The following TPD52 variants were observed in gnomAD, a reference collection of about 807,000 sequenced individuals.
The protein encoded by TPD52 is tumor protein D52.
A neutral mutation model predicts 31.3 loss-of-function variants in TPD52; 17 were observed. That is an observed-to-expected ratio of 0.54 (90% CI 0.37 to 0.82). The LOEUF is 0.82. Ranked by LOEUF, TPD52 falls within the 40% of genes least tolerant of loss-of-function variation. TPD52 has a pLI of 0.00. For synonymous variants in TPD52, 83 were observed against 89.6 expected, an observed-to-expected ratio of 0.93 and a Z score of 0.42; for missense variants, 212 against 240.1, an observed-to-expected ratio of 0.88 and a Z score of 0.77.
chr8:80,163,745 A>G (rs1690972209), intron 1 of TPD52, among the ~76,000 whole-genome samples: 1 of 152,194 alleles, frequency 6.6e-6, no homozygotes, highest in Non-Finnish European at 1.5e-5. Context: ...TTTATCTTAA[A>G]ACAATTTCTC....
chr8:80,035,354 G>C lies in TPD52; in HGVS notation c.*2762C>G, dbSNP rs1213138261. On this transcript the variant is annotated 3_prime_UTR_variant, in exon 8 of 8. Coordinates refer to ENST00000518937, the MANE Select transcript of TPD52 (RefSeq NM_001025253.3). ...TAGGATCTCTTTGGACACATCTTCA[G>C]CAAGCAGTCATTTAATAAATGCCTT... 6.6e-6 allele frequency: 1 copy of C among 152,176 alleles called. No homozygotes were observed. The highest frequency in any genetic ancestry group is 1.5e-5 in the Non-Finnish European group (1 of 68,044). 9.4% of individuals were successfully genotyped at this position (152,176 alleles called of 1,614,324 possible). A position where few individuals can be genotyped will look rare whatever the true frequency, so the allele number is the denominator to read the frequency against.
intron 1 of TPD52, among the ~76,000 whole-genome samples, chr8:80,084,908 G>A (rs1483681314): frequency 6.6e-6 from 1 of 151,778 alleles, no homozygotes; most frequent in African/African-American, 2.4e-5. Flanking sequence ...ACCTGAAATG[G>A]AAAAAAGCAA....
intron 1 of TPD52, chr8:80,171,206 C>A (rs760762377): frequency 2.8e-6 from 2 of 705,332 alleles, no homozygotes; most frequent in African/African-American, 1.8e-5. Flanking sequence ...CGCACACTCA[C>A]ACTCACACAT....
chr8:80,061,206 A>C (rs1812484428), intron 2 of TPD52, among the ~76,000 whole-genome samples: 1 of 151,964 alleles, frequency 6.6e-6, no homozygotes, highest in African/African-American at 2.4e-5. Context: ...CTCTACTAAA[A>C]ATACAAAATT....
rs1181011840 is a variant in TPD52 at position 80,102,288 on chromosome 8, G to A, written c.20-37695C>T. On this transcript the variant is annotated intron_variant, in intron 1 of 7. Transcript: ENST00000518937. ...CTCACTCACTTTCAAGCTCATTCAC[G>A]TAGCTACTGAGGAGCCTTTTTCTCC... 4.6e-5 allele frequency among the ~76,000 whole-genome samples: 7 copies of A among 152,234 alleles called. No individual in the cohort carries two copies. In the East Asian group the frequency reaches 5.8e-4, roughly 13 times the overall value.
At chr8:80,045,759 C>T (rs905608913) in intron 5 of TPD52, among the ~76,000 whole-genome samples, 6 of 152,184 alleles carry the variant, frequency 3.9e-5, no homozygotes, top group Admixed American at 1.3e-4. Flanking sequence ...CCTGGCCTTG[C>T]TTTCTTTTCT....
At chr8:80,132,422 G>A (rs2131090211) in intron 1 of TPD52, among the ~76,000 whole-genome samples, 1 of 152,098 alleles carries the variant, frequency 6.6e-6, no homozygotes, top group African/African-American at 2.4e-5. Flanking sequence ...TGTCCAGGCT[G>A]GTCTCAAACT....
intron 1 of TPD52, among the ~76,000 whole-genome samples, chr8:80,109,992 T>C (rs1246872265): frequency 6.6e-6 from 1 of 152,162 alleles, no homozygotes; most frequent in Non-Finnish European, 1.5e-5. Context: ...TCATGCCTGA[T>C]GTGTGGACCA....
rs944931037 is a variant in TPD52 at position 80,110,864 on chromosome 8, A to G, written c.20-46271T>C. Among the ~76,000 whole-genome samples, 4 of 152,300 alleles carry G rather than the reference A, an allele frequency of 2.6e-5. No homozygotes were observed. The East Asian group carries it at 7.7e-4, about 29-fold the overall frequency. On this transcript the variant is annotated intron_variant, in intron 1 of 7. Transcript: ENST00000518937. Reference sequence around the variant, plus strand: ...CCCTCTTGCCCCTCCTGGAGGAGTGACACTCCCTTGTGGTCTGCTGCTACC... The same window carrying G: ...CCCTCTTGCCCCTCCTGGAGGAGTGGCACTCCCTTGTGGTCTGCTGCTACC...
intron 1 of TPD52, among the ~76,000 whole-genome samples, chr8:80,090,220 T>C (rs983923131): frequency 1.3e-5 from 2 of 152,030 alleles, no homozygotes; most frequent in African/African-American, 2.4e-5. Flanking sequence ...AGCGAGGCCC[T>C]GGCTCTACAA....
intron 1 of TPD52, chr8:80,158,943 C>CAAAAAAAAAAAAAAAA (rs57625062): frequency 3.9e-5 from 3 of 76,354 alleles, no homozygotes; most frequent in African/African-American, 1.6e-4. Flanking sequence ...GACTCCGTCT[C>CAAAAAAAAAAAAAAAA]AAAAAAAAAA....
intron 1 of TPD52, among the ~76,000 whole-genome samples, chr8:80,079,479 T>C (rs1814985060): frequency 1.3e-5 from 2 of 152,360 alleles, no homozygotes; most frequent in Admixed American, 6.5e-5. Flanking sequence ...CTAAGTTTCA[T>C]GCTGTCACCT....
intron 1 of TPD52, chr8:80,080,492 G>GAT (rs1815151310): frequency 1.2e-6 from 2 of 1,608,706 alleles, no homozygotes; most frequent in Non-Finnish European, 1.7e-6. Flanking sequence ...CTAATCGCCT[G>GAT]ATATCAGCCT....
At chr8:80,065,015 T>C (rs1812964700) in intron 1 of TPD52, among the ~76,000 whole-genome samples, 1 of 152,124 alleles carries the variant, frequency 6.6e-6, no homozygotes. Context: ...GCTGTGGTAA[T>C]CAAAGCCAAC....
At chr8:80,117,291 G>A (rs1047080698) in intron 1 of TPD52, among the ~76,000 whole-genome samples, 3 of 152,148 alleles carry the variant, frequency 2.0e-5, no homozygotes, top group Admixed American at 6.5e-5. Flanking sequence ...AATGAGTTCA[G>A]CAACTTTGCA....
intron 1 of TPD52, chr8:80,067,407 T>A (rs764294863): frequency 1.3e-5 from 2 of 152,190 alleles, no homozygotes; most frequent in Non-Finnish European, 2.9e-5. Flanking sequence ...AACAGAATGG[T>A]AGATACCAAA....
At chr8:80,082,732 G>A (rs1815420154) in intron 1 of TPD52, among the ~76,000 whole-genome samples, 1 of 149,584 alleles carries the variant, frequency 6.7e-6, no homozygotes, top group African/African-American at 2.4e-5. Context: ...CCTGACAGGC[G>A]CCTGTGCCTA....
intron 1 of TPD52, among the ~76,000 whole-genome samples, chr8:80,152,883 G>C (rs563024233): frequency 1.3e-5 from 2 of 152,106 alleles, no homozygotes; most frequent in Admixed American, 1.3e-4. Context: ...GCAAGTAAAT[G>C]CTTGTGATTA....
intron 1 of TPD52, among the ~76,000 whole-genome samples, chr8:80,086,404 A>C (rs1563615166): frequency 6.6e-6 from 1 of 151,708 alleles, no homozygotes; most frequent in Non-Finnish European, 1.5e-5. Flanking sequence ...GGTGTGAGCC[A>C]CCGAGCCTGA....
Sources: gnomAD v4.1 joint callset for allele counts (sites outside exome capture counted in the v4.1 genomes callset) on GRCh38, gnomAD v4.1.1 for gene constraint, MANE v1.5 for transcripts, NCBI Gene and HGNC (gene_info 2026-07-23, HGNC 2026-07-21) for gene names.